The following FSTL4 variants were observed in gnomAD, a reference collection of about 807,000 sequenced individuals.
FSTL4 encodes follistatin-related protein 4.
A neutral mutation model predicts 78.2 loss-of-function variants in FSTL4; 28 were observed. The ratio of observed to expected loss-of-function variants is 0.36; its 90% CI spans 0.27 to 0.49. FSTL4 has a LOEUF of 0.49. Ranked by LOEUF, FSTL4 falls within the 20% of genes least tolerant of loss-of-function variation. FSTL4 has a pLI of 0.98. For missense variants in FSTL4, 922 were observed against 1,084.9 expected (o/e 0.85, Z 2.11); for synonymous variants, 422 against 440.5 (o/e 0.96, Z 0.53).
At chr5:133,280,729 C>T (rs1005262130) in intron 6 of FSTL4, among the ~76,000 whole-genome samples, 5 of 152,166 alleles carry the variant, frequency 3.3e-5, no homozygotes, top group African/African-American at 1.2e-4. Context: ...GAGTAAAGAC[C>T]ACCCTCCTTC....
intron 3 of FSTL4, among the ~76,000 whole-genome samples, chr5:133,514,627 C>G (rs1396092781): frequency 1.3e-5 from 2 of 152,106 alleles, no homozygotes; most frequent in Admixed American, 1.3e-4. Context: ...AAGACTGAAG[C>G]ATAGATTAAA....
intron 3 of FSTL4, among the ~76,000 whole-genome samples, chr5:133,545,697 A>G (rs1458066539): frequency 6.6e-6 from 1 of 152,252 alleles, no homozygotes. Flanking sequence ...GAACTAGACA[A>G]TGGAACAATT....
chr5:133,198,014 G>C lies in FSTL4; in HGVS notation c.*1081C>G, dbSNP rs1178931645. On this transcript the variant is annotated 3_prime_UTR_variant, in exon 16 of 16. Coordinates refer to ENST00000265342, the MANE Select transcript of FSTL4 (RefSeq NM_015082.2). ...TCTGCAGTGCTGATGCGGGGATGGG[G>C]TACCAGAGAGGAGTGGATGGGCCAC... The C allele has an allele frequency of 6.5e-6, 1 of 152,798 alleles. No individual in the cohort carries two copies. Among genetic ancestry groups the C allele is most frequent in the African/African-American group, 2.4e-5 (1 of 41,436 alleles). 9.5% of individuals were successfully genotyped at this position (152,798 alleles called of 1,614,324 possible).
At chr5:133,782,956 T>C in the FSTL4 span, among the ~76,000 whole-genome samples, 1 of 152,202 alleles carries the variant, frequency 6.6e-6, no homozygotes, top group Non-Finnish European at 1.5e-5. Context: ...GACTTGCAGG[T>C]GGCGGCCTAG....
At chr5:133,737,577 C>T in the FSTL4 span, among the ~76,000 whole-genome samples, 2 of 150,704 alleles carry the variant, frequency 1.3e-5, no homozygotes, top group Non-Finnish European at 1.5e-5. Flanking sequence ...TAGGAGTGCA[C>T]ACATCTCTTT....
At position 133,458,706 on chromosome 5, in the gene FSTL4, A is replaced by G. The variant is rs539934190; in HGVS notation, c.161-57720T>C. On this transcript the variant is annotated intron_variant, in intron 3 of 15. Transcript: ENST00000265342. ...GATGATGGGCAACTGTTTTCCAGTT[A>G]CCAGGGCCTCACAGACACAAGCACT... is the stretch of plus-strand genomic sequence containing the variant. Among the ~76,000 whole-genome samples, 8 of 152,372 alleles carry G rather than the reference A, an allele frequency of 5.3e-5. No homozygotes were observed. The East Asian group carries it at 1.5e-3, about 29-fold the overall frequency.
Position 133,426,703 on chromosome 5 carries a change from C to T in FSTL4, c.161-25717G>A, listed in dbSNP as rs1424426558. Among the ~76,000 whole-genome samples the T allele has an allele frequency of 2.0e-4, 30 of 152,132 alleles. No individual in the cohort carries two copies. The highest frequency in any genetic ancestry group is 2.0e-3 in the Admixed American group (30 of 15,286). ...GAGGAGCAATCTCTGGCTGGAGGCA[C>T]AAGCCTCAGTCCTGTTATTTCCCAG... On this transcript the variant is annotated intron_variant, in intron 3 of 15. Transcript: ENST00000265342. The surrounding 1 kb of genome is among the most constrained non-coding windows in gnomAD (Gnocchi z 5.0).
At chr5:133,765,069 T>C in the FSTL4 span, among the ~76,000 whole-genome samples, 2 of 152,342 alleles carry the variant, frequency 1.3e-5, no homozygotes, top group South Asian at 4.1e-4. Flanking sequence ...ATAAAACCAC[T>C]TAACATGCAC....
At chr5:133,463,016 G>A (rs571154144) in intron 3 of FSTL4, among the ~76,000 whole-genome samples, 8 of 152,290 alleles carry the variant, frequency 5.3e-5, no homozygotes, top group African/African-American at 1.7e-4. Context: ...CCTGGCTGAG[G>A]AATGCCGTGC....
At chr5:133,756,687 G>A in the FSTL4 span, among the ~76,000 whole-genome samples, 1 of 152,136 alleles carries the variant, frequency 6.6e-6, no homozygotes, top group Non-Finnish European at 1.5e-5. Context: ...CGGGATAGAG[G>A]CAGGGAGGGT....
intron 7 of FSTL4, among the ~76,000 whole-genome samples, chr5:133,243,444 C>A (rs1460791574): frequency 3.3e-5 from 5 of 152,216 alleles, no homozygotes; most frequent in Non-Finnish European, 7.3e-5. Context: ...CAGAGGCCAG[C>A]AGCCAGTAAG....
the FSTL4 span, among the ~76,000 whole-genome samples, chr5:133,648,309 G>C: frequency 2.2e-4 from 34 of 152,238 alleles, no homozygotes; most frequent in African/African-American, 8.2e-4. Flanking sequence ...CAGAGCAAAT[G>C]TTCCAAATCA....
chr5:133,457,371 C>A (rs1046357538), intron 3 of FSTL4, among the ~76,000 whole-genome samples: 1 of 152,162 alleles, frequency 6.6e-6, no homozygotes, highest in Non-Finnish European at 1.5e-5. Flanking sequence ...AGCAACTGGG[C>A]AGGATATCAC....
At chr5:133,417,298 C>T (rs1756595977) in intron 3 of FSTL4, among the ~76,000 whole-genome samples, 1 of 150,396 alleles carries the variant, frequency 6.6e-6, no homozygotes, top group Admixed American at 6.6e-5. Flanking sequence ...AATTCAAAGA[C>T]AGGTCAATAA....
At chr5:133,689,917 C>T in the FSTL4 span, among the ~76,000 whole-genome samples, 1 of 152,026 alleles carries the variant, frequency 6.6e-6, no homozygotes, top group Non-Finnish European at 1.5e-5. Flanking sequence ...ACAAATTAGC[C>T]AGGTGTAATA....
intron 2 of FSTL4, among the ~76,000 whole-genome samples, chr5:133,571,175 T>G (rs1760146132): frequency 6.6e-6 from 1 of 151,864 alleles, no homozygotes. Context: ...GAGACAAAAA[T>G]TAGGCTTTCC....
the FSTL4 span, among the ~76,000 whole-genome samples, chr5:133,657,784 T>C: frequency 6.6e-6 from 1 of 151,154 alleles, no homozygotes; most frequent in East Asian, 1.9e-4. Context: ...TGTTTTTTTT[T>C]TTTTTTACCA....
At chr5:133,797,081 A>T in the FSTL4 span, among the ~76,000 whole-genome samples, 1 of 152,356 alleles carries the variant, frequency 6.6e-6, no homozygotes, top group East Asian at 1.9e-4. Flanking sequence ...TTCTGAGCCA[A>T]TATGAGTGAC....
chr5:133,339,568 C>G (rs1202218338), intron 4 of FSTL4, among the ~76,000 whole-genome samples: 1 of 152,156 alleles, frequency 6.6e-6, no homozygotes, highest in East Asian at 1.9e-4. Flanking sequence ...TGGCATACAA[C>G]TAGCACTCAA....
Sources: gnomAD v4.1 joint callset for allele counts (sites outside exome capture counted in the v4.1 genomes callset) on GRCh38, gnomAD v4.1.1 for gene constraint, Gnocchi (gnomAD v3.1) non-coding constraint, MANE v1.5 for transcripts, NCBI Gene and HGNC (gene_info 2026-07-23, HGNC 2026-07-21) for gene names.